The following PRRT1B variants were observed in gnomAD, a reference collection of about 807,000 sequenced individuals.
PRRT1B encodes the protein proline rich transmembrane protein 1B, also known as dispanin subfamily D member 2.
intron 1 of PRRT1B, among the ~76,000 whole-genome samples, chr9:131,549,140 C>T (rs191753084): frequency 1.8e-3 from 270 of 152,262 alleles, no homozygotes; most frequent in Non-Finnish European, 3.3e-3. Flanking sequence ...AATTAAATTC[C>T]GGCCCTCAAA....
chr9:131,559,651 T>G (rs977193915), downstream of PRRT1B, among the ~76,000 whole-genome samples: 1 of 152,184 alleles, frequency 6.6e-6, no homozygotes, highest in Admixed American at 6.5e-5. Flanking sequence ...AAGTAAGTCA[T>G]GAGCAGCCTG....
intron 1 of PRRT1B, among the ~76,000 whole-genome samples, chr9:131,548,658 C>G (rs1019465206): frequency 6.6e-6 from 1 of 152,164 alleles, no homozygotes; most frequent in African/African-American, 2.4e-5. Context: ...AGTCCCAACC[C>G]CAAGCGTCAC....
intron 1 of PRRT1B, among the ~76,000 whole-genome samples, chr9:131,546,521 C>G (rs1045661886): frequency 1.3e-5 from 2 of 152,074 alleles, no homozygotes; most frequent in African/African-American, 2.4e-5. Flanking sequence ...ACTCCCCGCC[C>G]CCTCATCCCC....
intron 1 of PRRT1B, among the ~76,000 whole-genome samples, chr9:131,549,309 C>T (rs913102559): frequency 6.6e-6 from 1 of 152,218 alleles, no homozygotes; most frequent in African/African-American, 2.4e-5. Flanking sequence ...ACGCCTGAAC[C>T]GCAGCTGCCA....
chr9:131,546,537 C>A (rs1354284001), intron 1 of PRRT1B, among the ~76,000 whole-genome samples: 2 of 151,820 alleles, frequency 1.3e-5, no homozygotes, highest in African/African-American at 4.8e-5. Flanking sequence ...TCCCCCAGCG[C>A]GACTGATCTT....
chr9:131,546,564 G>A (rs138960750), intron 1 of PRRT1B, among the ~76,000 whole-genome samples: 2 of 152,086 alleles, frequency 1.3e-5, no homozygotes, highest in Non-Finnish European at 2.9e-5. Context: ...CCGGGGATGG[G>A]GCGCACCAGT....
chr9:131,553,909 A>G (rs1266970706), intron 1 of PRRT1B, among the ~76,000 whole-genome samples: 1 of 152,182 alleles, frequency 6.6e-6, no homozygotes, highest in Non-Finnish European at 1.5e-5. Flanking sequence ...ACCAGGACCT[A>G]TCGTTGGGTG....
At chr9:131,548,021 A>G (rs1564415783) in intron 1 of PRRT1B, among the ~76,000 whole-genome samples, 1 of 151,942 alleles carries the variant, frequency 6.6e-6, no homozygotes, top group Non-Finnish European at 1.5e-5. Context: ...TACACCCACA[A>G]TCCATTGGTA....
chr9:131,559,125 G>T (rs1299376895), downstream of PRRT1B, among the ~76,000 whole-genome samples: 2 of 152,204 alleles, frequency 1.3e-5, no homozygotes, highest in African/African-American at 2.4e-5. Flanking sequence ...TCCCAAGAAT[G>T]AACCTGCATT....
At chr9:131,548,644 C>A (rs1172729201) in intron 1 of PRRT1B, among the ~76,000 whole-genome samples, 4 of 152,154 alleles carry the variant, frequency 2.6e-5, no homozygotes, top group South Asian at 4.2e-4. Context: ...CCGCCTGTCC[C>A]CTCAGTCCCA....
At chr9:131,558,440 C>T (rs1362287005) in exon 4 of PRRT1B, 2 of 365,546 alleles carry the variant, frequency 5.5e-6, no homozygotes, top group Non-Finnish European at 9.7e-6. Flanking sequence ...TCCAAGGTGT[C>T]TCCAGAGCCC....
downstream of PRRT1B, among the ~76,000 whole-genome samples, chr9:131,559,722 TCC>T (rs1951072843): frequency 6.6e-6 from 1 of 152,140 alleles, no homozygotes; most frequent in African/African-American, 2.4e-5. Flanking sequence ...CTAATAAGCT[TCC>T]CAGTGATGCT....
chr9:131,550,379 T>C (rs1951002642), intron 1 of PRRT1B, among the ~76,000 whole-genome samples: 1 of 152,198 alleles, frequency 6.6e-6, no homozygotes, highest in African/African-American at 2.4e-5. Flanking sequence ...TGCTTTCACT[T>C]GGACTGACCC....
chr9:131,558,310 G>A (rs1951063874), exon 4 of PRRT1B: 2 of 399,426 alleles, frequency 5.0e-6, no homozygotes, highest in East Asian at 7.1e-5. Flanking sequence ...GCTCTTGCCT[G>A]CAGAGGGAAT....
chr9:131,548,403 GTCT>G (rs911944487), intron 1 of PRRT1B, among the ~76,000 whole-genome samples: 1 of 152,072 alleles, frequency 6.6e-6, no homozygotes, highest in Non-Finnish European at 1.5e-5. Context: ...AAATCTAAGT[GTCT>G]TATTTTCTTC....
intron 1 of PRRT1B, among the ~76,000 whole-genome samples, chr9:131,553,888 G>T (rs771570650): frequency 2.6e-5 from 4 of 152,204 alleles, no homozygotes; most frequent in African/African-American, 4.8e-5. Context: ...GTTGGGACCT[G>T]ACCAGGCACC....
chr9:131,549,711 T>A (rs1950998159), intron 1 of PRRT1B, among the ~76,000 whole-genome samples: 1 of 152,206 alleles, frequency 6.6e-6, no homozygotes, highest in South Asian at 2.1e-4. Context: ...TTCCTTTGCC[T>A]CCATAACTGT....
chr9:131,553,201 T>C (rs528601626), intron 1 of PRRT1B, among the ~76,000 whole-genome samples: 1 of 149,672 alleles, frequency 6.7e-6, no homozygotes, highest in South Asian at 2.1e-4. Context: ...AACACTCACA[T>C]TGTTGTGCAG....
chr9:131,558,246 G>C (rs1315187178), exon 4 of PRRT1B: 1 of 400,818 alleles, frequency 2.5e-6, no homozygotes, highest in Non-Finnish European at 4.4e-6. Context: ...AATGTCCACG[G>C]AAAACTGGCC....
Sources: allele counts gnomAD v4.1 joint callset (sites outside exome capture counted in the v4.1 genomes callset), GRCh38; gene constraint gnomAD v4.1.1; transcripts MANE v1.5; gene names NCBI Gene and HGNC (gene_info 2026-07-23, HGNC 2026-07-21).